Variants in TMEM52B observed in about 807,000 individuals in gnomAD.
TMEM52B encodes the protein transmembrane protein 52B.
In TMEM52B, 11 loss-of-function variants were observed where a neutral mutation model predicts 16.1. The ratio of observed to expected loss-of-function variants is 0.68; its 90% CI spans 0.43 to 1.13. The LOEUF (loss-of-function observed/expected upper bound fraction) is 1.13. Among genes scored for constraint, TMEM52B ranks in the 50% most tolerant of loss-of-function variants. The pLI is 0.00. For missense variants in TMEM52B, 243 were observed against 230.4 expected, an observed-to-expected ratio of 1.05 and a Z score of -0.35; for synonymous variants, 101 against 93.8, an observed-to-expected ratio of 1.08 and a Z score of -0.45.
chr12:10,189,831 T>C, intron 4 of TMEM52B, 65 bp from the exon 5 acceptor site: 1 of 1,580,340 alleles, frequency 6.3e-7, no homozygotes, highest in Non-Finnish European at 8.6e-7. Context: ...GTGAAGTAAG[T>C]CTCTGCTGTC....
At chr12:10,172,055 A>C in intron 1 of TMEM52B, 2 of 1,613,704 alleles carry the variant, frequency 1.2e-6, no homozygotes, top group Non-Finnish European at 1.7e-6. Flanking sequence ...CACAGTCTGG[A>C]TCTTTAGGTC....
intron 4 of TMEM52B, among the ~76,000 whole-genome samples, chr12:10,188,873 TCGG>T (rs1948917506): frequency 6.6e-6 from 1 of 151,394 alleles, no homozygotes; most frequent in Admixed American, 6.6e-5. Flanking sequence ...AAAAATTAGC[TCGG>T]CGTGGTGGCG....
At chr12:10,189,623 C>CAAAAAAA (rs766090432) in intron 4 of TMEM52B, among the ~76,000 whole-genome samples, 4 of 82,940 alleles carry the variant, frequency 4.8e-5, no homozygotes, top group African/African-American at 4.7e-5. Flanking sequence ...AACTCCGTCT[C>CAAAAAAA]AAAAAAAAAA....
Position 10,179,433 on chromosome 12 carries a change from A to G in TMEM52B, c.-142A>G. On this transcript the variant is annotated 5_prime_UTR_variant, in exon 1 of 5. Coordinates refer to ENST00000543484, the MANE Select transcript of TMEM52B (RefSeq NM_001384896.1). The stretch of plus-strand genomic sequence containing the variant: ...CGAGTAGGAGGAGACAGAGAGAACG[A>G]GAGAGAGAAAAGCTGATAAATTCCT... 1 of 845,446 alleles carries G rather than the reference A, an allele frequency of 1.2e-6. No individual in the cohort carries two copies. The highest frequency in any genetic ancestry group is 2.0e-6 in the Non-Finnish European group (1 of 500,410). 52.4% of individuals were successfully genotyped at this position (845,446 alleles called of 1,614,324 possible). A position where few individuals can be genotyped will look rare whatever the true frequency, so the allele number is the denominator to read the frequency against.
intron 4 of TMEM52B, among the ~76,000 whole-genome samples, chr12:10,187,902 C>A (rs1031611147): frequency 1.1e-4 from 16 of 151,914 alleles, no homozygotes; most frequent in African/African-American, 3.9e-4. Flanking sequence ...AGTTCGAGAC[C>A]AAGCTGGTCA....
At chr12:10,173,773 A>ACTCCCTTT (rs1948744289) in intron 1 of TMEM52B, among the ~76,000 whole-genome samples, 13 of 151,932 alleles carry the variant, frequency 8.6e-5, no homozygotes, top group Admixed American at 8.5e-4. Flanking sequence ...TAAAAAAAAA[A>ACTCCCTTT]AAAAAAAAGA....
intron 1 of TMEM52B, among the ~76,000 whole-genome samples, chr12:10,171,268 CT>C (rs1243190902): frequency 6.6e-6 from 1 of 152,140 alleles, no homozygotes; most frequent in Non-Finnish European, 1.5e-5. Flanking sequence ...ATACTTGTCT[CT>C]CTTTCTCTCC....
At position 10,191,726 on chromosome 12, in the gene TMEM52B, A is replaced by G. The variant is rs1191954251; in HGVS notation, c.*1586A>G. Reference sequence around the variant, plus strand: ...CATGTTCCCATTTATCTTTTTGCCAACTATGTTACTGTTGTCACACCTGAA... The same window carrying G: ...CATGTTCCCATTTATCTTTTTGCCAGCTATGTTACTGTTGTCACACCTGAA... On this transcript the variant is annotated 3_prime_UTR_variant, in exon 5 of 5. Coordinates refer to ENST00000543484, the MANE Select transcript of TMEM52B (RefSeq NM_001384896.1). 2 of 152,222 alleles carry G rather than the reference A, an allele frequency of 1.3e-5. No homozygotes were observed. The highest frequency in any genetic ancestry group is 1.5e-5 in the Non-Finnish European group (1 of 68,038). 9.4% of individuals were successfully genotyped at this position (152,222 alleles called of 1,614,324 possible).
chr12:10,183,545 T>A (rs1213319355), intron 2 of TMEM52B, among the ~76,000 whole-genome samples: 1 of 152,194 alleles, frequency 6.6e-6, no homozygotes, highest in Non-Finnish European at 1.5e-5. Context: ...GATTCCTGTA[T>A]CAGAAAGAAT....
intron 4 of TMEM52B, among the ~76,000 whole-genome samples, chr12:10,189,209 A>G (rs1162563414): frequency 6.6e-6 from 1 of 151,350 alleles, no homozygotes; most frequent in African/African-American, 2.4e-5. Flanking sequence ...TCTAAAAAAA[A>G]AAAAAAAAAG....
At chr12:10,177,149 G>C (rs1392294976), upstream of TMEM52B, among the ~76,000 whole-genome samples, 2 of 152,114 alleles carry the variant, frequency 1.3e-5, no homozygotes, top group Admixed American at 6.5e-5. Flanking sequence ...GCCACCTAAA[G>C]CCCTGCTCTC....
upstream of TMEM52B, among the ~76,000 whole-genome samples, chr12:10,176,661 T>C (rs558735214): frequency 1.2e-4 from 19 of 152,324 alleles, no homozygotes; most frequent in East Asian, 2.3e-3. Context: ...AGGTCACTGG[T>C]AAACTTTAGT....
At chr12:10,189,416 G>C (rs1156245682) in intron 4 of TMEM52B, among the ~76,000 whole-genome samples, 1 of 151,782 alleles carries the variant, frequency 6.6e-6, no homozygotes, top group Non-Finnish European at 1.5e-5. Context: ...CTGAGGTCAG[G>C]AGTTCAAGAC....
chr12:10,185,322 C>A lies in TMEM52B; in HGVS notation c.99-8C>A. The A allele has an allele frequency of 6.3e-7, 1 of 1,598,026 alleles. No homozygotes were observed. Among genetic ancestry groups the A allele is most frequent in the Non-Finnish European group, 8.6e-7 (1 of 1,165,548 alleles). On this transcript the variant is annotated splice_polypyrimidine_tract_variant and splice_region_variant and intron_variant, in intron 2 of 4. Transcript: ENST00000543484. ...TTTAATGTAGAAAACTTTATTCTTT[C>A]TTTATAGTTGCCTGACCACAGACTG...
Position 10,185,349 on chromosome 12 carries a change from G to T in TMEM52B, c.118G>T (p.Val40Leu). ...TTATAGTTGCCTGACCACAGACTGG[G>T]TACATCTCTGGTATATATGGTAAGT... ...NPEHCLTTDW[V>L]HLWYIWLLVV... is the part of the protein sequence containing the mutation. Residue 40 changes from valine (V) to leucine (L), a missense_variant, in exon 3 of 5, where the codon GTA becomes TTA. By Grantham distance (32) the Val-to-Leu change is conservative. Coordinates refer to ENST00000543484, the MANE Select transcript of TMEM52B (RefSeq NM_001384896.1). The T allele has an allele frequency of 6.2e-7, 1 of 1,607,176 alleles. No individual in the cohort carries two copies. The highest frequency in any genetic ancestry group is 8.5e-7 in the Non-Finnish European group (1 of 1,173,716).
intron 4 of TMEM52B, among the ~76,000 whole-genome samples, chr12:10,189,021 A>AC (rs1948921630): frequency 4.2e-5 from 1 of 23,792 alleles, no homozygotes; most frequent in Non-Finnish European, 7.8e-5. Context: ...CGTCTCAAAA[A>AC]AAAAAAAAAA....
At chr12:10,172,005 T>C (rs758642110) in intron 1 of TMEM52B, 4 of 1,612,320 alleles carry the variant, frequency 2.5e-6, no homozygotes, top group South Asian at 2.2e-5. Context: ...CTAGTACCTT[T>C]AGCTTTTTTT....
chr12:10,190,932 C>T lies in TMEM52B; in HGVS notation c.*792C>T, dbSNP rs1028241552. 2.0e-5 allele frequency: 3 copies of T among 152,300 alleles called. No homozygotes were observed. The highest frequency in any genetic ancestry group is 7.2e-5 in the African/African-American group (3 of 41,464). 9.4% of individuals were successfully genotyped at this position (152,300 alleles called of 1,614,324 possible). A position where few individuals can be genotyped will look rare whatever the true frequency, so the allele number is the denominator to read the frequency against. On this transcript the variant is annotated 3_prime_UTR_variant, in exon 5 of 5. Transcript: ENST00000543484. ...CCTGGACCACTTAAAGCCACAACAC[C>T]TCTATAGTGACACACGCTAGTCTCT...
rs1212998126 is a variant in TMEM52B, at chr12:10,186,525, A to G, written c.243A>G (p.Pro81=). Residue 81 remains proline (P), a synonymous_variant, in exon 4 of 5, where the codon CCA becomes CCG. Transcript: ENST00000543484. ...AGCAAAATGGGGAAGATGGGGGCCC[A>G]CCACCCTGTGAAGTGACCGTCATTG... is the stretch of plus-strand genomic sequence containing the variant. The part of the protein sequence containing the change: ...SRQQNGEDGG[P]PPCEVTVIAF... 1 of 1,609,900 alleles carries G rather than the reference A, an allele frequency of 6.2e-7. No homozygotes were observed.
Sources: gnomAD v4.1 joint callset for allele counts (sites outside exome capture counted in the v4.1 genomes callset) on GRCh38, gnomAD v4.1.1 for gene constraint, MANE v1.5 for transcripts, NCBI Gene and HGNC (gene_info 2026-07-23, HGNC 2026-07-21) for gene names.